The following CCDC149 variants were observed in gnomAD, a reference collection of about 807,000 sequenced individuals.
The protein encoded by CCDC149 is coiled-coil domain-containing protein 149.
Under a neutral mutation model 59.9 loss-of-function variants are expected in CCDC149, and 45 were observed. The observed-to-expected ratio is 0.75, with a 90% CI of 0.59 to 0.96. The LOEUF (loss-of-function observed/expected upper bound fraction) is 0.96, where lower values mean the gene tolerates loss of function less well. Ranked by LOEUF, CCDC149 falls within the 40% of genes least tolerant of loss-of-function variation. The probability of loss-of-function intolerance (pLI) is 0.00; values close to 1 mark genes in which losing one functional copy is unlikely to be tolerated. For missense variants in CCDC149, 584 were observed against 664.7 expected, an observed-to-expected ratio of 0.88 and a Z score of 1.33; for synonymous variants, 245 against 260.6, an observed-to-expected ratio of 0.94 and a Z score of 0.58.
chr4:24,808,482 G>A lies in CCDC149; in HGVS notation c.1530C>T (p.Phe510=), dbSNP rs757113297. ...CTTTGGCTGCTGGCCGGCTGGCCTC[G>A]AAGGAGTCCAGGTGAGATTTAGGGA... Residue 510 remains phenylalanine (F), a synonymous_variant, in exon 13 of 13, where the codon TTC becomes TTT. Transcript: ENST00000635206. 4.1e-5 allele frequency: 61 copies of A among 1,482,602 alleles called. No homozygotes were observed. The highest frequency in any genetic ancestry group is 3.7e-4 in the South Asian group (26 of 71,156). 91.8% of individuals were successfully genotyped at this position (1,482,602 alleles called of 1,614,324 possible). A position where few individuals can be genotyped will look rare whatever the true frequency, so the allele number is the denominator to read the frequency against.
intron 1 of CCDC149, among the ~76,000 whole-genome samples, chr4:24,968,715 C>A (rs1723876780): frequency 6.6e-6 from 1 of 152,212 alleles, no homozygotes; most frequent in Admixed American, 6.5e-5. Flanking sequence ...CAGGTGTGGA[C>A]AGAATAGCCT....
chr4:24,975,264 A>C (rs982853007), intron 1 of CCDC149, among the ~76,000 whole-genome samples: 1 of 149,220 alleles, frequency 6.7e-6, no homozygotes, highest in African/African-American at 2.5e-5. Flanking sequence ...TAAAACAGGA[A>C]GGGAAGGGAG....
intron 1 of CCDC149, among the ~76,000 whole-genome samples, chr4:24,955,768 T>C (rs1723447014): frequency 1.3e-5 from 2 of 152,164 alleles, no homozygotes; most frequent in Admixed American, 6.5e-5. Context: ...AGAGTTTCAG[T>C]TTTTCAAGAT....
intron 1 of CCDC149, among the ~76,000 whole-genome samples, chr4:24,943,047 C>A (rs1722994107): frequency 6.6e-6 from 1 of 151,460 alleles, no homozygotes. Context: ...GAAAAAACTA[C>A]TTTAAAGTTC....
intron 4 of CCDC149, among the ~76,000 whole-genome samples, chr4:24,838,984 T>A (rs56216295): frequency 6.7e-6 from 1 of 149,554 alleles, no homozygotes; most frequent in African/African-American, 2.5e-5. Context: ...GCAGTATGAC[T>A]AAAATTATAC....
chr4:24,917,603 C>T (rs78721467), upstream of CCDC149, among the ~76,000 whole-genome samples: 6,222 of 151,878 alleles, frequency 0.041, 195 homozygotes, highest in Non-Finnish European at 0.054. Flanking sequence ...CCTGGGGTGC[C>T]GGAGGAGAGG....
intron 1 of CCDC149, among the ~76,000 whole-genome samples, chr4:24,926,755 G>A (rs998033001): frequency 6.6e-6 from 1 of 152,158 alleles, no homozygotes. Flanking sequence ...AGCTGGAAAC[G>A]CTTGAAGGTT....
chr4:24,896,617 T>G (rs536760708), intron 1 of CCDC149, among the ~76,000 whole-genome samples: 7 of 152,282 alleles, frequency 4.6e-5, no homozygotes, highest in African/African-American at 1.7e-4. Context: ...GCCTGGCTTT[T>G]TTCAAGCAAT....
chr4:24,835,078 C>G, intron 7 of CCDC149, 46 bp from the exon 8 acceptor site: 3 of 1,447,730 alleles, frequency 2.1e-6, no homozygotes, highest in Non-Finnish European at 2.9e-6. Flanking sequence ...GAAAAGCCAA[C>G]AATGGAAAAG....
chr4:24,804,712 CG>C (rs1714068373), downstream of CCDC149, among the ~76,000 whole-genome samples: 1 of 152,078 alleles, frequency 6.6e-6, no homozygotes, highest in Non-Finnish European at 1.5e-5. Context: ...TATCGTGAAC[CG>C]GGGTGCAAAG....
intron 4 of CCDC149, among the ~76,000 whole-genome samples, chr4:24,850,711 A>C (rs1717604314): frequency 2.6e-5 from 4 of 152,150 alleles, no homozygotes; most frequent in Admixed American, 2.6e-4. Context: ...GTTGGAGTAG[A>C]AAGTGCCATA....
chr4:24,839,725 A>G (rs1473463576), intron 4 of CCDC149, among the ~76,000 whole-genome samples: 2 of 152,180 alleles, frequency 1.3e-5, no homozygotes, highest in East Asian at 1.9e-4. Context: ...GTCTCAGAGC[A>G]TCCCCTATCT....
chr4:24,838,787 A>C (rs1716720150), intron 4 of CCDC149, among the ~76,000 whole-genome samples: 1 of 151,930 alleles, frequency 6.6e-6, no homozygotes, highest in Non-Finnish European at 1.5e-5. Flanking sequence ...TTAAAAAAAA[A>C]AAACAAAAAA....
Position 24,806,902 on chromosome 4 carries a change from T to C in CCDC149, c.*1487A>G, listed in dbSNP as rs1010250100. ...TGCACTTTGAGGAGGAGCAGCATAG[T>C]AAGGGATGGGGCGCCCATTCTGCTA... On this transcript the variant is annotated 3_prime_UTR_variant, in exon 13 of 13. Transcript: ENST00000635206. The C allele has an allele frequency of 6.5e-6, 1 of 153,074 alleles. No homozygotes were observed. The highest frequency in any genetic ancestry group is 2.4e-5 in the African/African-American group (1 of 41,428). 9.5% of individuals were successfully genotyped at this position (153,074 alleles called of 1,614,324 possible). A position where few individuals can be genotyped will look rare whatever the true frequency, so the allele number is the denominator to read the frequency against.
intron 1 of CCDC149, among the ~76,000 whole-genome samples, chr4:24,960,294 T>G (rs1723602260): frequency 6.6e-6 from 1 of 152,188 alleles, no homozygotes; most frequent in Non-Finnish European, 1.5e-5. Flanking sequence ...AATTGTTAAT[T>G]GTTAGCTATA....
At chr4:24,850,289 T>C (rs1459632346) in intron 4 of CCDC149, among the ~76,000 whole-genome samples, 2 of 152,174 alleles carry the variant, frequency 1.3e-5, no homozygotes, top group Non-Finnish European at 2.9e-5. Flanking sequence ...ATTTATAGGA[T>C]ACAGATGGAA....
At chr4:24,898,896 G>C (rs772819122) in intron 1 of CCDC149, among the ~76,000 whole-genome samples, 2 of 152,188 alleles carry the variant, frequency 1.3e-5, no homozygotes, top group Non-Finnish European at 2.9e-5. Flanking sequence ...GATCTGGCCA[G>C]AGTCAGGAGT....
At chr4:24,911,805 G>A (rs983729763) in intron 1 of CCDC149, among the ~76,000 whole-genome samples, 2 of 152,222 alleles carry the variant, frequency 1.3e-5, no homozygotes, top group African/African-American at 2.4e-5. Context: ...AACGATGAAA[G>A]GAGTGAGGGA....
chr4:24,889,655 T>C (rs1440528921), intron 1 of CCDC149, among the ~76,000 whole-genome samples: 1 of 152,240 alleles, frequency 6.6e-6, no homozygotes, highest in Non-Finnish European at 1.5e-5. Flanking sequence ...ACATATGGAA[T>C]GTAACGATAG....
Sources: allele counts gnomAD v4.1 joint callset (sites outside exome capture counted in the v4.1 genomes callset), GRCh38; gene constraint gnomAD v4.1.1; transcripts MANE v1.5; gene names NCBI Gene and HGNC (gene_info 2026-07-23, HGNC 2026-07-21).